The following INSR variants were observed in gnomAD, a reference collection of about 807,000 sequenced individuals.
INSR encodes insulin receptor.
INSR carries 67 observed loss-of-function variants against 142.6 expected under a neutral mutation model. The ratio of observed to expected loss-of-function variants is 0.47; its 90% confidence interval spans 0.39 to 0.58. The LOEUF is 0.58. Ranked by LOEUF, INSR falls within the 20% of genes least tolerant of loss-of-function variation. The probability of loss-of-function intolerance (pLI) is 0.00; values close to 1 mark genes in which losing one functional copy is unlikely to be tolerated. For missense variants in INSR, 1,248 were observed against 1,833.2 expected (o/e 0.68, Z 5.83); for synonymous variants, 756 against 743.1 (o/e 1.02, Z -0.28).
rs773601174 is a variant in INSR at position 7,267,336 on chromosome 19, C to T, written c.652+9G>A. 5 of 1,613,732 alleles carry T rather than the reference C, an allele frequency of 3.1e-6. No homozygotes were observed. In the African/African-American group the frequency reaches 6.7e-5, roughly 22 times the overall value. ...AGACACTGCTTAGAACCCTGTATCCCCGGCGTACCTTTCTGGCAGTGACTA... is the reference window on the plus strand; with the variant it reads ...AGACACTGCTTAGAACCCTGTATCCTCGGCGTACCTTTCTGGCAGTGACTA... On this transcript the variant is annotated intron_variant, in intron 2 of 21. Transcript: ENST00000302850. The surrounding 1 kb of genome is among the most constrained non-coding windows in gnomAD (Gnocchi z 6.3).
chr19:7,274,653 A>T (rs1429468285), intron 1 of INSR, among the ~76,000 whole-genome samples: 1 of 151,604 alleles, frequency 6.6e-6, no homozygotes, highest in Non-Finnish European at 1.5e-5. Flanking sequence ...ACAAAAAAAA[A>T]ATAGCTGGGC....
chr19:7,240,053 A>G (rs1431856489), intron 2 of INSR, among the ~76,000 whole-genome samples: 1 of 152,186 alleles, frequency 6.6e-6, no homozygotes, highest in African/African-American at 2.4e-5. Flanking sequence ...GATCCATTAC[A>G]GCAGGACCAG....
At chr19:7,152,426 T>G in intron 10 of INSR, 1 of 428,228 alleles carries the variant, frequency 2.3e-6, no homozygotes, top group Non-Finnish European at 4.3e-6. Context: ...ATGTTAATCG[T>G]CTAACGGAGT....
Position 7,166,082 on chromosome 19 carries a change from C to T in INSR, c.1861+72G>A, listed in dbSNP as rs1002334445. On this transcript the variant is annotated intron_variant, in intron 8 of 21. Transcript: ENST00000302850. This position sits in a 1 kb window ranked among gnomAD's most constrained non-coding sequence, Gnocchi z 4.1. ...CATATCAAGGAGCATTTTATACAAC[C>T]TCACTGCATCAGCCTATTAAAAGCA... The T allele has an allele frequency of 1.3e-6, 2 of 1,563,666 alleles. No homozygotes were observed. The highest frequency in any genetic ancestry group is 1.7e-5 in the Admixed American group (1 of 59,796).
intron 2 of INSR, among the ~76,000 whole-genome samples, chr19:7,229,225 T>C (rs1179069065): frequency 1.3e-5 from 1 of 75,748 alleles, no homozygotes; most frequent in Non-Finnish European, 2.6e-5. Context: ...GGATAATAGA[T>C]GGTGGGTGGT....
chr19:7,203,664 G>A (rs1975027830), intron 2 of INSR, among the ~76,000 whole-genome samples: 1 of 152,154 alleles, frequency 6.6e-6, no homozygotes, highest in Non-Finnish European at 1.5e-5. Context: ...GCAGAGTCTA[G>A]GGACAGGGAC....
intron 17 of INSR, 192 bp from the exon 18 acceptor site, chr19:7,123,181 T>TAA: frequency 3.6e-6 from 2 of 549,554 alleles, no homozygotes; most frequent in Non-Finnish European, 6.5e-6. Flanking sequence ...TTTTTTTTTT[T>TAA]AATTTTCGAG....
chr19:7,254,149 G>A (rs928521087), intron 2 of INSR, among the ~76,000 whole-genome samples: 1 of 152,090 alleles, frequency 6.6e-6, no homozygotes, highest in African/African-American at 2.4e-5. Context: ...TGGGAGGATT[G>A]CTTGAGTCTA....
At chr19:7,277,255 G>A (rs950788913) in intron 1 of INSR, among the ~76,000 whole-genome samples, 4 of 151,978 alleles carry the variant, frequency 2.6e-5, no homozygotes, top group African/African-American at 4.8e-5. Context: ...CTACCTCTGC[G>A]AGAAGGAATG....
chr19:7,184,679 TAAA>T, intron 2 of INSR, 42 bp from the exon 3 acceptor site: 1 of 1,071,452 alleles, frequency 9.3e-7, no homozygotes, highest in African/African-American at 1.7e-5. Context: ...AATAAATAAA[TAAA>T]TAAATAAATA....
At chr19:7,202,401 T>G (rs1376034441) in intron 2 of INSR, among the ~76,000 whole-genome samples, 2 of 152,220 alleles carry the variant, frequency 1.3e-5, no homozygotes, top group African/African-American at 4.8e-5. Context: ...TTTGTCTCCA[T>G]GTTCACATCA....
At chr19:7,163,448 T>C (rs975745360) in intron 8 of INSR, among the ~76,000 whole-genome samples, 1 of 151,408 alleles carries the variant, frequency 6.6e-6, no homozygotes, top group African/African-American at 2.4e-5. Flanking sequence ...TAGTCCCAGC[T>C]ACTTGGGAGG....
At chr19:7,201,763 C>T (rs987884233) in intron 2 of INSR, among the ~76,000 whole-genome samples, 4 of 143,954 alleles carry the variant, frequency 2.8e-5, no homozygotes, top group African/African-American at 8.0e-5. Context: ...CCCGGGTTCA[C>T]GCCATTCCCC....
chr19:7,174,753 A>AGT (rs1353622410), intron 3 of INSR, 22 bp from the exon 4 acceptor site: 1 of 1,607,702 alleles, frequency 6.2e-7, no homozygotes. Flanking sequence ...GCAGAGAGAG[A>AGT]GAGAAAGAGA....
intron 11 of INSR, among the ~76,000 whole-genome samples, chr19:7,149,942 AAGGAAGGAAGGAAGGAAGGAAG>A (rs1973290331): frequency 1.9e-4 from 1 of 5,234 alleles, no homozygotes; most frequent in African/African-American, 3.8e-4. Flanking sequence ...AGAAAGAAGG[AAGGAAGGAAGGAAGGAAGGAAG>A]GAAGGAAGGA....
At chr19:7,136,828 C>CATATAT (rs57665258) in intron 13 of INSR, among the ~76,000 whole-genome samples, 2,212 of 139,782 alleles carry the variant, frequency 0.016, 81 homozygotes, top group Middle Eastern at 0.021. Context: ...TATTTATTTA[C>CATATAT]ATATATATAT....
chr19:7,122,502 C>A, intron 19 of INSR, 112 bp downstream of exon 19: 2 of 1,015,226 alleles, frequency 2.0e-6, no homozygotes, highest in South Asian at 1.3e-5. Context: ...AAAGAAGTAT[C>A]TTGCCCCTTT....
intron 8 of INSR, among the ~76,000 whole-genome samples, chr19:7,165,248 G>A (rs8106329): frequency 0.035 from 5,256 of 151,240 alleles, 272 homozygotes; most frequent in African/African-American, 0.12. Context: ...TCCAGATGGC[G>A]CCACTGCACT....
chr19:7,281,699 AG>A (rs1968207838), intron 1 of INSR, among the ~76,000 whole-genome samples: 1 of 152,054 alleles, frequency 6.6e-6, no homozygotes. Context: ...AGAATAAATG[AG>A]ATTTTAAAAT....
Sources: gnomAD v4.1 joint callset for allele counts (sites outside exome capture counted in the v4.1 genomes callset) on GRCh38, gnomAD v4.1.1 for gene constraint, Gnocchi (gnomAD v3.1) non-coding constraint, MANE v1.5 for transcripts, NCBI Gene and HGNC (gene_info 2026-07-23, HGNC 2026-07-21) for gene names.